The following PPP1R14C variants were observed in gnomAD, a reference collection of about 807,000 sequenced individuals.
PPP1R14C encodes protein phosphatase 1 regulatory inhibitor subunit 14C, also known as protein phosphatase 1 regulatory subunit 14C.
Under a neutral mutation model 20.4 loss-of-function variants are expected in PPP1R14C, and 16 were observed. The ratio of observed to expected loss-of-function variants is 0.78; its 90% CI spans 0.53 to 1.19. The LOEUF (loss-of-function observed/expected upper bound fraction) is 1.19, where lower values mean the gene tolerates loss of function less well. Ranked by LOEUF, PPP1R14C falls within the 50% of genes most tolerant of loss-of-function variation. The pLI, the probability that PPP1R14C is intolerant of heterozygous loss-of-function variation, is 0.00. For missense variants in PPP1R14C, 211 were observed against 220.1 expected, an observed-to-expected ratio of 0.96 and a Z score of 0.26; for synonymous variants, 91 against 91.0, an observed-to-expected ratio of 1.00 and a Z score of 0.00.
intron 2 of PPP1R14C, among the ~76,000 whole-genome samples, chr6:150,215,423 A>G (rs1778079040): frequency 6.6e-6 from 1 of 152,198 alleles, no homozygotes; most frequent in South Asian, 2.1e-4. Flanking sequence ...ATCATTTTTA[A>G]ATCTGCTTTT....
At chr6:150,232,579 C>T (rs950678873) in intron 3 of PPP1R14C, among the ~76,000 whole-genome samples, 3 of 152,074 alleles carry the variant, frequency 2.0e-5, no homozygotes, top group African/African-American at 7.2e-5. Flanking sequence ...GTATTCAAAC[C>T]CTCTTGAATT....
chr6:150,179,357 C>T (rs961023820), intron 1 of PPP1R14C, among the ~76,000 whole-genome samples: 7 of 150,252 alleles, frequency 4.7e-5, no homozygotes, highest in Non-Finnish European at 7.4e-5. Flanking sequence ...CACCACTGCA[C>T]TCCAGCCTGG....
In PPP1R14C at chr6:150,185,512, G is replaced by A. The variant is rs1264307880; in HGVS notation, c.307-29232G>A. 6.6e-6 allele frequency among the ~76,000 whole-genome samples: 1 copy of A among 152,186 alleles called. No individual in the cohort carries two copies. Among genetic ancestry groups the A allele is most frequent in the African/African-American group, 2.4e-5 (1 of 41,450 alleles). ...GCACTGAGCATAGAGTCTGACAGAT[G>A]ATGTGTGTGATTGGAAGATGCTGTG... On this transcript the variant is annotated intron_variant, in intron 1 of 3. Coordinates refer to ENST00000361131, the MANE Select transcript of PPP1R14C (RefSeq NM_030949.3). This position sits in a 1 kb window ranked among gnomAD's most constrained non-coding sequence, Gnocchi z 4.1.
intron 1 of PPP1R14C, among the ~76,000 whole-genome samples, chr6:150,205,807 T>C (rs1310266069): frequency 6.8e-6 from 1 of 147,126 alleles, no homozygotes; most frequent in Non-Finnish European, 1.5e-5. Context: ...AAAAAAAAAA[T>C]AATGGAAATA....
At chr6:150,216,717 A>G in intron 2 of PPP1R14C, 107 bp from the exon 3 acceptor site, 1 of 762,522 alleles carries the variant, frequency 1.3e-6, no homozygotes, top group Non-Finnish European at 2.1e-6. Flanking sequence ...ATCTTGATTT[A>G]CCATTATAAA....
chr6:150,170,844 G>A (rs1777490594), intron 1 of PPP1R14C, among the ~76,000 whole-genome samples: 1 of 151,050 alleles, frequency 6.6e-6, no homozygotes, highest in Non-Finnish European at 1.5e-5. Flanking sequence ...CTTTTATGCA[G>A]GGAAGTGATA....
chr6:150,189,290 A>G (rs948841555), intron 1 of PPP1R14C, among the ~76,000 whole-genome samples: 1 of 152,150 alleles, frequency 6.6e-6, no homozygotes, highest in South Asian at 2.1e-4. Flanking sequence ...GCACCAGGTG[A>G]AGGGTGATGC....
rs542079869 is a variant in PPP1R14C at position 150,203,605 on chromosome 6, C to T, written c.307-11139C>T. Among the ~76,000 whole-genome samples the T allele has an allele frequency of 9.8e-5, 15 of 152,290 alleles. 1 individual carries two copies. The South Asian group carries it at 1.5e-3, about 15-fold the overall frequency. On this transcript the variant is annotated intron_variant, in intron 1 of 3. Transcript: ENST00000361131. ...GCAGGAGGTGAAACGGTCTGGATTT[C>T]GTGTTCTGTGTTAGGAAATCTAACA... is the stretch of plus-strand genomic sequence containing the variant.
At chr6:150,230,506 CT>C (rs1185336806) in intron 3 of PPP1R14C, among the ~76,000 whole-genome samples, 9 of 152,160 alleles carry the variant, frequency 5.9e-5, no homozygotes, top group Non-Finnish European at 4.4e-5. Flanking sequence ...TGCTGTTTCT[CT>C]CCCGTCCCCC....
At position 150,197,905 on chromosome 6, in the gene PPP1R14C, G is replaced by A. The variant is rs540058306; in HGVS notation, c.307-16839G>A. Among the ~76,000 whole-genome samples the A allele has an allele frequency of 6.3e-5, 8 of 126,416 alleles. No homozygotes were observed. In the South Asian group the frequency reaches 2.0e-3, roughly 32 times the overall value. 82.9% of individuals were successfully genotyped at this position (126,416 alleles called of 152,430 possible). ...AGGGCCTGGATGCCCAGCTTTGTGT[G>A]CCCCTGCCTGCCACGGTGGAGGAGG... On this transcript the variant is annotated intron_variant, in intron 1 of 3. Coordinates refer to ENST00000361131, the MANE Select transcript of PPP1R14C (RefSeq NM_030949.3).
chr6:150,171,378 G>C (rs1393665656), intron 1 of PPP1R14C, among the ~76,000 whole-genome samples: 2 of 152,142 alleles, frequency 1.3e-5, no homozygotes, highest in Non-Finnish European at 1.5e-5. Context: ...CTGTAATTTT[G>C]TTTGAGCATA....
chr6:150,210,905 G>A (rs1778016623), intron 1 of PPP1R14C, among the ~76,000 whole-genome samples: 1 of 152,118 alleles, frequency 6.6e-6, no homozygotes, highest in African/African-American at 2.4e-5. Context: ...CCATCGACGT[G>A]CATATTTGCA....
At chr6:150,202,701 G>C (rs6906581) in intron 1 of PPP1R14C, among the ~76,000 whole-genome samples, 42,092 of 152,108 alleles carry the variant, frequency 0.28, 6,024 homozygotes, top group Admixed American at 0.31. Flanking sequence ...GTTGGCTGAA[G>C]GTCATTGTAT....
chr6:150,182,006 T>C (rs1276495496), intron 1 of PPP1R14C, among the ~76,000 whole-genome samples: 1 of 152,244 alleles, frequency 6.6e-6, no homozygotes, highest in Admixed American at 6.5e-5. Flanking sequence ...TTAGTTTTTT[T>C]TGGATATGCC....
chr6:150,237,783 CAA>C (rs1444060499), intron 3 of PPP1R14C, among the ~76,000 whole-genome samples: 23 of 152,132 alleles, frequency 1.5e-4, no homozygotes, highest in Non-Finnish European at 4.4e-5. Context: ...GATTTGAACC[CAA>C]GTCATCTGAC....
intron 1 of PPP1R14C, among the ~76,000 whole-genome samples, chr6:150,152,434 G>A (rs891140294): frequency 6.6e-6 from 1 of 152,190 alleles, no homozygotes; most frequent in African/African-American, 2.4e-5. Context: ...GGATAAAGCA[G>A]GAGCCCCTTA....
At chr6:150,159,534 C>T (rs1777341657) in intron 1 of PPP1R14C, among the ~76,000 whole-genome samples, 1 of 152,146 alleles carries the variant, frequency 6.6e-6, no homozygotes, top group Non-Finnish European at 1.5e-5. Context: ...TCCGTCCATC[C>T]TTCTGTCAGC....
chr6:150,244,445 A>G (rs1778469091), intron 3 of PPP1R14C, among the ~76,000 whole-genome samples: 1 of 152,154 alleles, frequency 6.6e-6, no homozygotes, highest in African/African-American at 2.4e-5. Flanking sequence ...TGTTAGGGTC[A>G]CCTTTGACCC....
At chr6:150,178,526 A>G (rs1777587508) in intron 1 of PPP1R14C, among the ~76,000 whole-genome samples, 1 of 152,220 alleles carries the variant, frequency 6.6e-6, no homozygotes. Flanking sequence ...GGTAAAGTCA[A>G]TACGATTGAT....
Sources: allele counts gnomAD v4.1 joint callset (sites outside exome capture counted in the v4.1 genomes callset), GRCh38; gene constraint gnomAD v4.1.1; non-coding constraint Gnocchi (gnomAD v3.1); transcripts MANE v1.5; gene names NCBI Gene and HGNC (gene_info 2026-07-23, HGNC 2026-07-21).